SAMMSON: variants seen among roughly 807,000 people sequenced by gnomAD.
SAMMSON encodes survival associated mitochondrial melanoma specific oncogenic non-coding RNA, also known as long intergenic non-protein coding RNA 1212.
chr3:70,019,714 C>G (rs994594649), intron 3 of SAMMSON, among the ~76,000 whole-genome samples: 2 of 152,158 alleles, frequency 1.3e-5, no homozygotes, highest in Non-Finnish European at 2.9e-5. Flanking sequence ...TTTGCAGTGT[C>G]TGGTACCGGT....
chr3:70,069,572 C>G (rs1042708149), intron 3 of SAMMSON: 1 of 152,108 alleles, frequency 6.6e-6, no homozygotes, highest in South Asian at 2.1e-4. Context: ...ACACAGTTAA[C>G]AAGAAGAGGG....
At chr3:70,051,749 G>A (rs1576109242) in intron 3 of SAMMSON, among the ~76,000 whole-genome samples, 2 of 52,256 alleles carry the variant, frequency 3.8e-5, no homozygotes, top group Admixed American at 2.0e-4. Context: ...ATTTATGTTG[G>A]TGGAGTTCTG....
intron 2 of SAMMSON, among the ~76,000 whole-genome samples, chr3:70,406,972 C>T (rs890798335): frequency 7.9e-5 from 12 of 152,224 alleles, no homozygotes; most frequent in African/African-American, 2.9e-4. Context: ...TACAGTTCCA[C>T]ATGGCCAGGG....
chr3:70,023,169 T>A (rs2067022545), intron 3 of SAMMSON, among the ~76,000 whole-genome samples: 1 of 152,062 alleles, frequency 6.6e-6, no homozygotes, highest in African/African-American at 2.4e-5. Flanking sequence ...CTTATATGTT[T>A]CTTTAGGCCA....
rs148522645 is a variant in SAMMSON, at chr3:70,122,702, T to C, written n.507+51137T>C. Among the ~76,000 whole-genome samples the C allele has an allele frequency of 5.4e-3, 822 of 152,358 alleles. 10 individuals carry two copies. Among genetic ancestry groups the C allele is most frequent in the African/African-American group, 0.019 (783 of 41,582 alleles). On this transcript the variant is annotated intron_variant and non_coding_transcript_variant, in intron 4 of 9. Coordinates refer to ENST00000642114, the Ensembl canonical transcript of SAMMSON. ...GATTTTTCTCTATTTCAGGCATGTA[T>C]TCCTTAAATTGTTTCTAGAATAGAT...
intron 4 of SAMMSON, among the ~76,000 whole-genome samples, chr3:70,226,932 A>G (rs992229691): frequency 1.3e-5 from 2 of 152,066 alleles, no homozygotes; most frequent in Non-Finnish European, 1.5e-5. Context: ...ATCTTTACCC[A>G]TAGATTTTTT....
rs369919527 is a variant in SAMMSON, at chr3:70,425,489, G to A, written n.234-37071G>A. Among the ~76,000 whole-genome samples the A allele has an allele frequency of 2.6e-4, 39 of 152,028 alleles. 2 individuals are homozygous for A. In the East Asian group the frequency reaches 7.4e-3, roughly 29 times the overall value. ...TGCAGTGGCGTGATCTTGGCTCACT[G>A]CAAGATCCGCCTCCCAGGTTCACAC... On this transcript the variant is annotated intron_variant and non_coding_transcript_variant, in intron 2 of 3. Coordinates refer to the SAMMSON transcript ENST00000641053.
At chr3:70,039,625 AC>A (rs1559778572) in intron 3 of SAMMSON, among the ~76,000 whole-genome samples, 46 of 150,538 alleles carry the variant, frequency 3.1e-4, no homozygotes, top group African/African-American at 1.1e-3. Context: ...ACACACACAC[AC>A]ACACACACAC....
chr3:70,176,842 C>T (rs1701013278), intron 4 of SAMMSON, among the ~76,000 whole-genome samples: 2 of 152,036 alleles, frequency 1.3e-5, no homozygotes, highest in Admixed American at 1.3e-4. Context: ...AACTAAGTTA[C>T]ATATTATGGA....
At chr3:70,048,817 C>A (rs917537788) in intron 3 of SAMMSON, among the ~76,000 whole-genome samples, 1 of 152,092 alleles carries the variant, frequency 6.6e-6, no homozygotes, top group Non-Finnish European at 1.5e-5. Flanking sequence ...CACTTCACAG[C>A]TAAGAAATTT....
At chr3:70,159,045 T>C (rs1007036158) in intron 4 of SAMMSON, among the ~76,000 whole-genome samples, 1 of 152,074 alleles carries the variant, frequency 6.6e-6, no homozygotes, top group African/African-American at 2.4e-5. Context: ...TGACCAGTCA[T>C]TTTACATTAG....
intron 2 of SAMMSON, among the ~76,000 whole-genome samples, chr3:70,430,572 AT>A (rs1257326858): frequency 6.6e-6 from 1 of 152,114 alleles, no homozygotes. Context: ...AGAAGACCAT[AT>A]CTGGAATCCC....
chr3:70,140,636 A>G (rs2067524138), intron 4 of SAMMSON: 1 of 152,214 alleles, frequency 6.6e-6, no homozygotes, highest in South Asian at 2.1e-4. Flanking sequence ...GCTTCTAGGT[A>G]ATTAGCAGTG....
intron 9 of SAMMSON, among the ~76,000 whole-genome samples, chr3:70,371,327 A>AT (rs994010331): frequency 5.3e-5 from 8 of 151,034 alleles, no homozygotes; most frequent in South Asian, 2.1e-4. Flanking sequence ...GAATTTTAGG[A>AT]TTTTTTTTCT....
intron 7 of SAMMSON, among the ~76,000 whole-genome samples, chr3:70,297,161 T>A (rs1269778581): frequency 6.6e-6 from 1 of 152,172 alleles, no homozygotes; most frequent in Non-Finnish European, 1.5e-5. Context: ...CACAGTACAC[T>A]GCTTGTCAAA....
intron 2 of SAMMSON, among the ~76,000 whole-genome samples, chr3:70,418,455 T>C (rs1390086563): frequency 1.3e-5 from 2 of 152,220 alleles, no homozygotes; most frequent in Admixed American, 6.5e-5. Flanking sequence ...GCTTGCTTAC[T>C]CTTGCCTTTG....
chr3:70,193,272 A>G (rs556412666), intron 4 of SAMMSON, among the ~76,000 whole-genome samples: 15 of 152,180 alleles, frequency 9.9e-5, no homozygotes, highest in African/African-American at 3.6e-4. Flanking sequence ...GAAGCCCCAA[A>G]ATATAATTTT....
chr3:70,101,780 A>C (rs867866577), intron 4 of SAMMSON, among the ~76,000 whole-genome samples: 1 of 152,190 alleles, frequency 6.6e-6, no homozygotes, highest in African/African-American at 2.4e-5. Flanking sequence ...GAAACAGACC[A>C]AAAAGGTTAA....
chr3:70,028,112 C>CCCTT (rs1271169811), intron 3 of SAMMSON, among the ~76,000 whole-genome samples: 1 of 138,094 alleles, frequency 7.2e-6, no homozygotes, highest in African/African-American at 2.7e-5. Flanking sequence ...TTCCTTCCTT[C>CCCTT]CCTTCCTTCC....
Sources: gnomAD v4.1 joint callset for allele counts (sites outside exome capture counted in the v4.1 genomes callset) on GRCh38, gnomAD v4.1.1 for gene constraint, MANE v1.5 for transcripts, NCBI Gene and HGNC (gene_info 2026-07-23, HGNC 2026-07-21) for gene names.